ENTPD7: variants seen among roughly 807,000 people sequenced by gnomAD.
ENTPD7 encodes the protein ectonucleoside triphosphate diphosphohydrolase 7.
Under a neutral mutation model 77.9 loss-of-function variants are expected in ENTPD7, and 53 were observed. That is an observed-to-expected ratio of 0.68 (90% CI 0.55 to 0.85). The LOEUF (loss-of-function observed/expected upper bound fraction) is 0.85, where lower values mean the gene tolerates loss of function less well. Among genes scored for constraint, ENTPD7 ranks in the 40% least tolerant of loss-of-function variants. The probability of loss-of-function intolerance (pLI) is 0.00; values close to 1 mark genes in which losing one functional copy is unlikely to be tolerated. For synonymous variants in ENTPD7, 248 were observed against 274.9 expected (o/e 0.90, Z 0.97); for missense variants, 636 against 743.7 (o/e 0.86, Z 1.68).
At position 99,685,887 on chromosome 10, in the gene ENTPD7, A is replaced by G; in HGVS notation, c.644A>G (p.Lys215Arg). ...TCTCAAGCAGAAGTGATCTCTGGGA[A>G]GCAGGAAGGTACTGGGCCTTAAGGG... ...SQSQAEVISGKQEGVYAWIGI... is the reference protein window; with the variant it reads ...SQSQAEVISGRQEGVYAWIGI... The change falls in exon 6 of 13, where the codon AAG (lysine) becomes AGG (arginine). Residue 215 changes from lysine to arginine, a missense_variant. By Grantham distance (26) the Lys-to-Arg change is conservative. Around this residue, in one of 3 missense-constraint regions of ENTPD7, gnomAD observed 486 missense variants for 556.5 expected, o/e 0.87. Coordinates refer to ENST00000370489, the MANE Select transcript of ENTPD7 (RefSeq NM_020354.5). 6.2e-7 allele frequency: 1 copy of G among 1,613,284 alleles called. No individual in the cohort carries two copies. The highest frequency in any genetic ancestry group is 8.5e-7 in the Non-Finnish European group (1 of 1,179,400).
At chr10:99,673,158 T>C (rs1057054527) in intron 3 of ENTPD7, among the ~76,000 whole-genome samples, 8 of 152,112 alleles carry the variant, frequency 5.3e-5, no homozygotes, top group Non-Finnish European at 1.2e-4. Context: ...CAGACCTCTT[T>C]AGGGAAGGTG....
At chr10:99,661,861 C>T (rs1001404453) in intron 3 of ENTPD7, among the ~76,000 whole-genome samples, 3 of 152,122 alleles carry the variant, frequency 2.0e-5, no homozygotes, top group African/African-American at 4.8e-5. Flanking sequence ...TGGGCTGAAA[C>T]TTATTGTGTG....
intron 6 of ENTPD7, 145 bp from the exon 7 acceptor site, chr10:99,688,549 T>C (rs1394335086): frequency 1.5e-6 from 1 of 662,064 alleles, no homozygotes; most frequent in Non-Finnish European, 2.4e-6. Context: ...AGATGAAAGA[T>C]TTGAAATTCC....
At chr10:99,701,091 A>C in intron 11 of ENTPD7, 33 bp downstream of exon 11, 5 of 1,540,272 alleles carry the variant, frequency 3.2e-6, no homozygotes, top group Non-Finnish European at 4.5e-6. Flanking sequence ...TTAGATGTGG[A>C]CTTAAAATCT....
chr10:99,696,811 A>T (rs2035992118), intron 9 of ENTPD7, among the ~76,000 whole-genome samples: 1 of 152,302 alleles, frequency 6.6e-6, no homozygotes, highest in African/African-American at 2.4e-5. Context: ...CATTAAATTT[A>T]CACAAAATTT....
At chr10:99,681,315 G>C (rs1336757484) in intron 5 of ENTPD7, among the ~76,000 whole-genome samples, 1 of 152,010 alleles carries the variant, frequency 6.6e-6, no homozygotes, top group Non-Finnish European at 1.5e-5. Context: ...GTCTCGCTCT[G>C]TTGCCCAAGC....
chr10:99,709,433 G>A lies in ENTPD7; in HGVS notation c.*4750G>A. 1.0e-6 allele frequency: 1 copy of A among 985,274 alleles called. No homozygotes were observed. The allele number at this position is 985,274 out of a possible 1,614,324, so 61.0% of individuals were successfully genotyped here. ...GCTAGCTCCAGATTCCAGCCCCTGG[G>A]GCAATAACTTGTGAGGATTTTCCTG... On this transcript the variant is annotated 3_prime_UTR_variant, in exon 13 of 13. Transcript: ENST00000370489.
In ENTPD7 at chr10:99,704,796, C is replaced by T; in HGVS notation, c.*113C>T. The T allele has an allele frequency of 2.0e-6, 2 of 990,566 alleles. No individual in the cohort carries two copies. Among genetic ancestry groups the T allele is most frequent in the South Asian group, 3.2e-5 (2 of 62,458 alleles). The allele number at this position is 990,566 out of a possible 1,614,324, so 61.4% of individuals were successfully genotyped here. A position where few individuals can be genotyped will look rare whatever the true frequency, so the allele number is the denominator to read the frequency against. On this transcript the variant is annotated 3_prime_UTR_variant, in exon 13 of 13. Transcript: ENST00000370489. ...GATGTCTGACCTTGTGGATATTTGC[C>T]CTTGGAATTTCTACTTTACTTTCTA...
At chr10:99,700,606 GA>G (rs1194311841) in intron 10 of ENTPD7, among the ~76,000 whole-genome samples, 10 of 152,188 alleles carry the variant, frequency 6.6e-5, no homozygotes, top group African/African-American at 2.4e-4. Flanking sequence ...TTACAACACC[GA>G]GGGAGGCCAA....
At chr10:99,688,535 C>T (rs1176824033) in intron 6 of ENTPD7, among the ~76,000 whole-genome samples, 159 bp from the exon 7 acceptor site, 1 of 152,016 alleles carries the variant, frequency 6.6e-6, no homozygotes, top group Non-Finnish European at 1.5e-5. Flanking sequence ...GGAAAAAAAT[C>T]ACAAGATGAA....
rs1361651428 is a variant in ENTPD7 at position 99,710,249 on chromosome 10, A to G, written c.*5566A>G. 12 of 985,268 alleles carry G rather than the reference A, an allele frequency of 1.2e-5. No individual in the cohort carries two copies. The highest frequency in any genetic ancestry group is 1.4e-5 in the Non-Finnish European group (12 of 829,940). The allele number at this position is 985,268 out of a possible 1,614,324, so 61.0% of individuals were successfully genotyped here. On this transcript the variant is annotated 3_prime_UTR_variant, in exon 13 of 13. Transcript: ENST00000370489. ...TGAAGACGCCCCTTACTAGCTTCAT[A>G]AATGTTTTTCTGCAAGCAGGGATCC...
In ENTPD7 at chr10:99,708,018, C is replaced by T. The variant is rs1169041561; in HGVS notation, c.*3335C>T. ...CCATCACCAGGTGGTGAGCATAGTA[C>T]CTAACAGATAGTTCTTTAATCCATG... On this transcript the variant is annotated 3_prime_UTR_variant, in exon 13 of 13. Transcript: ENST00000370489. 6.6e-6 allele frequency among the ~76,000 whole-genome samples: 1 copy of T among 152,110 alleles called. No homozygotes were observed. The highest frequency in any genetic ancestry group is 1.5e-5 in the Non-Finnish European group (1 of 68,030).
At chr10:99,685,598 G>A (rs1413310945) in intron 5 of ENTPD7, among the ~76,000 whole-genome samples, 194 bp from the exon 6 acceptor site, 2 of 152,002 alleles carry the variant, frequency 1.3e-5, no homozygotes, top group Non-Finnish European at 2.9e-5. Context: ...TTGCCTTTTA[G>A]GTAGGAGGCT....
rs1590043659 is a variant in ENTPD7, at chr10:99,679,605, C to A, written c.398-120C>A. 47 of 1,437,128 alleles carry A rather than the reference C, an allele frequency of 3.3e-5. No individual in the cohort carries two copies. The East Asian group carries it at 1.1e-3, about 33-fold the overall frequency. The allele number at this position is 1,437,128 out of a possible 1,614,324, so 89.0% of individuals were successfully genotyped here. ...ATATCTCTTTCATTGTCACCCCCTA[C>A]CTCTCAAATAAATAAATGTTTAGGA... On this transcript the variant is annotated intron_variant, in intron 4 of 12. Transcript: ENST00000370489.
At chr10:99,695,922 A>T in intron 8 of ENTPD7, 34 bp from the exon 9 acceptor site, 1 of 1,573,194 alleles carries the variant, frequency 6.4e-7, no homozygotes, top group Non-Finnish European at 8.6e-7. Context: ...AACCAAAACT[A>T]AAATTCCCTT....
Position 99,701,075 on chromosome 10 carries a change from TC to T in ENTPD7, c.1421+19del, listed in dbSNP as rs1369642065. On this transcript the variant is annotated intron_variant, in intron 11 of 12. Coordinates refer to ENST00000370489, the MANE Select transcript of ENTPD7 (RefSeq NM_020354.5). ...TCGACTCAAGTAAGTTACTTCCCTT[TC>T]CTCCTTAGATGTGGACTTAAAATCT... is the stretch of plus-strand genomic sequence containing the variant. 1 of 1,601,356 alleles carries T rather than the reference TC, an allele frequency of 6.2e-7. No individual in the cohort carries two copies. The highest frequency in any genetic ancestry group is 8.6e-7 in the Non-Finnish European group (1 of 1,168,450).
chr10:99,679,094 C>T (rs932865959), intron 3 of ENTPD7, among the ~76,000 whole-genome samples, 167 bp from the exon 4 acceptor site: 5 of 151,966 alleles, frequency 3.3e-5, no homozygotes, highest in African/African-American at 1.2e-4. Context: ...GTCTCAAGCA[C>T]ATCAGTAAAT....
intron 3 of ENTPD7, among the ~76,000 whole-genome samples, chr10:99,666,114 T>G (rs1261876718): frequency 3.9e-5 from 6 of 152,044 alleles, no homozygotes. Flanking sequence ...TCAAGCTGAG[T>G]CTGTTAAGCT....
intron 3 of ENTPD7, among the ~76,000 whole-genome samples, chr10:99,675,321 G>C (rs1339794195): frequency 5.3e-5 from 8 of 151,736 alleles, no homozygotes; most frequent in Admixed American, 5.3e-4. Context: ...TGATATTAAT[G>C]AATGTGTGTT....
Sources: gnomAD v4.1 joint callset for allele counts (sites outside exome capture counted in the v4.1 genomes callset) on GRCh38, gnomAD v4.1.1 for gene constraint, gnomAD v4.1.1 regional missense constraint, MANE v1.5 for transcripts, NCBI Gene and HGNC (gene_info 2026-07-23, HGNC 2026-07-21) for gene names.